Variants in CSDE1 observed in about 807,000 individuals in gnomAD.
CSDE1 encodes the protein cold shock domain containing E1, also known as cold shock domain-containing protein E1.
In CSDE1, 17 loss-of-function variants were observed where a neutral mutation model predicts 89.3. The observed-to-expected ratio is 0.19, with a 90% CI of 0.13 to 0.29. The LOEUF (loss-of-function observed/expected upper bound fraction) is 0.29. CSDE1 is among the 10% of genes least tolerant of loss of function. The probability of loss-of-function intolerance (pLI) is 1.00; values close to 1 mark genes in which losing one functional copy is unlikely to be tolerated. For synonymous variants in CSDE1, 322 were observed against 332.8 expected (o/e 0.97, Z 0.35); for missense variants, 672 against 984.2 (o/e 0.68, Z 4.24).
chr1:114,749,261 A>G (rs1661174852), intron 2 of CSDE1, among the ~76,000 whole-genome samples: 3 of 148,170 alleles, frequency 2.0e-5, no homozygotes, highest in Non-Finnish European at 4.4e-5. Context: ...ATTGTGTAAC[A>G]AATTGTTCTA....
intron 3 of CSDE1, among the ~76,000 whole-genome samples, chr1:114,739,054 C>T (rs1416622077): frequency 5.4e-5 from 8 of 148,602 alleles, no homozygotes; most frequent in African/African-American, 1.2e-4. Context: ...TTTTTTGAGA[C>T]GGGGTCTCGC....
chr1:114,752,390 A>C (rs1370241988), intron 1 of CSDE1, among the ~76,000 whole-genome samples: 3 of 152,070 alleles, frequency 2.0e-5, no homozygotes, highest in African/African-American at 4.8e-5. Flanking sequence ...ACAAACAAAA[A>C]CCAACAAAAT....
At position 114,734,422 on chromosome 1, in the gene CSDE1, T is replaced by G. The variant is rs1197025401; in HGVS notation, c.582+20A>C. The stretch of plus-strand genomic sequence containing the variant: ...TCAAGTGGCCAAAGAAAACTCAAGT[T>G]TCTCAAATTTAACACTTACCTTCAT... On this transcript the variant is annotated intron_variant, in intron 7 of 19. Transcript: ENST00000358528. 6.2e-7 allele frequency: 1 copy of G among 1,604,522 alleles called. No homozygotes were observed. The highest frequency in any genetic ancestry group is 1.1e-5 in the South Asian group (1 of 88,470).
At chr1:114,734,151 C>G in intron 7 of CSDE1, 34 bp from the exon 8 acceptor site, 2 of 1,589,082 alleles carry the variant, frequency 1.3e-6, no homozygotes, top group Non-Finnish European at 1.7e-6. Context: ...AACATTATTA[C>G]CACTCTGTAC....
chr1:114,732,824 G>C lies in CSDE1; in HGVS notation c.838-8C>G. The C allele has an allele frequency of 2.5e-6, 4 of 1,611,166 alleles. No individual in the cohort carries two copies. In the South Asian group the frequency reaches 4.4e-5, roughly 18 times the overall value. ...TCCTGGCAATGGGTCATTCTGATGAGAAGGAAAAACGATTTTAGCTGGAGA... is the reference window on the plus strand; with the variant it reads ...TCCTGGCAATGGGTCATTCTGATGACAAGGAAAAACGATTTTAGCTGGAGA... On this transcript the variant is annotated splice_polypyrimidine_tract_variant and splice_region_variant and intron_variant, in intron 9 of 19. Coordinates refer to ENST00000358528, the MANE Select transcript of CSDE1 (RefSeq NM_001007553.3).
intron 3 of CSDE1, 58 bp downstream of exon 3, chr1:114,739,634 T>G: frequency 6.9e-7 from 1 of 1,451,496 alleles, no homozygotes; most frequent in Non-Finnish European, 9.6e-7. Flanking sequence ...CATGAACAAA[T>G]TGATATGCAA....
intron 1 of CSDE1, among the ~76,000 whole-genome samples, chr1:114,751,430 A>G (rs951125064): frequency 6.6e-6 from 1 of 152,240 alleles, no homozygotes; most frequent in African/African-American, 2.4e-5. Context: ...CTCAGACCAG[A>G]AGAGCCTAAT....
At chr1:114,727,738 G>A (rs1385305069) in intron 12 of CSDE1, 1 of 152,064 alleles carries the variant, frequency 6.6e-6, no homozygotes, top group Admixed American at 6.6e-5. Context: ...TGAAGGTAGT[G>A]GGTTATCTCG....
chr1:114,727,226 A>C (rs1313406378), intron 12 of CSDE1, 136 bp from the exon 13 acceptor site: 1 of 598,324 alleles, frequency 1.7e-6, no homozygotes. Flanking sequence ...GCATTTTCTA[A>C]AAGATTATTC....
At chr1:114,741,474 C>T in intron 2 of CSDE1, 1 of 1,483,190 alleles carries the variant, frequency 6.7e-7, no homozygotes, top group Non-Finnish European at 9.0e-7. Context: ...AATCCTAGGT[C>T]ATGCTCTTAA....
At chr1:114,734,808 G>A (rs143801542) in intron 6 of CSDE1, among the ~76,000 whole-genome samples, 1,962 of 152,288 alleles carry the variant, frequency 0.013, 26 homozygotes, top group Middle Eastern at 0.054. Context: ...ACATGGGTGC[G>A]TGATGTTCTA....
chr1:114,727,062 T>A lies in CSDE1; in HGVS notation c.1385A>T (p.Asp462Val). The change falls in exon 13 of 20, where the codon GAT (aspartate) becomes GTT (valine). Residue 462 changes from aspartate to valine, a missense_variant. Physicochemically the swap from Asp to Val is radical, Grantham distance 152 (BLOSUM62 -3). Transcript: ENST00000358528. ...KEAEDGIIAY[D>V]DCGVKLTIAF... is the part of the protein sequence containing the mutation. ...AATAGTCAGTTTCACCCCACAGTCA[T>A]CATAAGCAATAATGCCATCCTCAGC... is the stretch of plus-strand genomic sequence containing the variant. 6.2e-7 allele frequency: 1 copy of A among 1,613,632 alleles called. No homozygotes were observed. The highest frequency in any genetic ancestry group is 1.1e-5 in the South Asian group (1 of 91,074).
chr1:114,722,088 G>A (rs571931223), intron 16 of CSDE1, among the ~76,000 whole-genome samples: 1 of 151,578 alleles, frequency 6.6e-6, no homozygotes, highest in African/African-American at 2.4e-5. Context: ...CGCCATGTTG[G>A]CCAGGCTGGT....
At position 114,727,052 on chromosome 1, in the gene CSDE1, C is replaced by G; in HGVS notation, c.1395G>C (p.Gly465=). 6.2e-7 allele frequency: 1 copy of G among 1,613,734 alleles called. No individual in the cohort carries two copies. The highest frequency in any genetic ancestry group is 8.5e-7 in the Non-Finnish European group (1 of 1,179,768). ...EDGIIAYDDC[G]VKLTIAFQAK... is the part of the protein sequence containing the mutation. ...CTTGAAAAGCAATAGTCAGTTTCACCCCACAGTCATCATAAGCAATAATGC... is the reference window on the plus strand; with the variant it reads ...CTTGAAAAGCAATAGTCAGTTTCACGCCACAGTCATCATAAGCAATAATGC... Residue 465 remains glycine (G), a synonymous_variant, in exon 13 of 20, where the codon GGG becomes GGC. Coordinates refer to ENST00000358528, the MANE Select transcript of CSDE1 (RefSeq NM_001007553.3).
At chr1:114,734,772 G>A (rs926217250) in intron 6 of CSDE1, among the ~76,000 whole-genome samples, 2 of 152,100 alleles carry the variant, frequency 1.3e-5, no homozygotes, top group Non-Finnish European at 2.9e-5. Context: ...ACTGTTGTTG[G>A]AAGATTTGCT....
chr1:114,725,053 G>C (rs981891279), intron 15 of CSDE1, among the ~76,000 whole-genome samples, 168 bp downstream of exon 15: 11 of 152,124 alleles, frequency 7.2e-5, no homozygotes, highest in African/African-American at 2.4e-4. Context: ...TATGGGATAG[G>C]GTCAGAGAAC....
rs554256622 is a variant in CSDE1 at position 114,727,042 on chromosome 1, T to C, written c.1405A>G (p.Thr469Ala). 9.9e-6 allele frequency: 16 copies of C among 1,613,850 alleles called. No individual in the cohort carries two copies. The highest frequency in any genetic ancestry group is 1.4e-5 in the Non-Finnish European group (16 of 1,179,858). Residue 469 changes from threonine (T) to alanine (A), a missense_variant, in exon 13 of 20, where the codon ACT (threonine) becomes GCT (alanine). Around this residue, in one of 8 missense-constraint regions of CSDE1, gnomAD observed 108 missense variants for 105.0 expected, o/e 1.03. Transcript: ENST00000358528. Reference protein sequence around the residue: ...IAYDDCGVKLTIAFQAKDVEG... With the variant: ...IAYDDCGVKLAIAFQAKDVEG... Reference sequence around the variant, plus strand: ...ACATCCTTGGCTTGAAAAGCAATAGTCAGTTTCACCCCACAGTCATCATAA... The same window carrying C: ...ACATCCTTGGCTTGAAAAGCAATAGCCAGTTTCACCCCACAGTCATCATAA...
chr1:114,753,376 T>A (rs945313326), intron 1 of CSDE1, among the ~76,000 whole-genome samples: 2 of 152,210 alleles, frequency 1.3e-5, no homozygotes, highest in Admixed American at 1.3e-4. Context: ...CCACCAACAG[T>A]CATGAATAAT....
At chr1:114,751,002 G>A (rs1661277186) in intron 1 of CSDE1, among the ~76,000 whole-genome samples, 1 of 152,180 alleles carries the variant, frequency 6.6e-6, no homozygotes, top group African/African-American at 2.4e-5. Flanking sequence ...CAGAGAGCTG[G>A]GCTGAAGTGA....
Sources: allele counts gnomAD v4.1 joint callset (sites outside exome capture counted in the v4.1 genomes callset), GRCh38; gene constraint gnomAD v4.1.1; regional missense constraint gnomAD v4.1.1; transcripts MANE v1.5; gene names NCBI Gene and HGNC (gene_info 2026-07-23, HGNC 2026-07-21).